Variants in TAFA2 observed in about 807,000 individuals in gnomAD.
TAFA2 encodes chemokine-like protein TAFA-2.
In TAFA2, 7 loss-of-function variants were observed where a neutral mutation model predicts 18.8. The observed-to-expected ratio is 0.37, with a 90% CI of 0.21 to 0.70. TAFA2 has a LOEUF of 0.70. Ranked by LOEUF, TAFA2 falls within the 30% of genes least tolerant of loss-of-function variation. TAFA2 has a pLI of 0.53. For synonymous variants in TAFA2, 60 were observed against 54.2 expected (o/e 1.11, Z -0.47); for missense variants, 122 against 158.1 (o/e 0.77, Z 1.23).
chr12:61,955,355 G>A (rs1240451780), intron 1 of TAFA2, among the ~76,000 whole-genome samples: 1 of 151,516 alleles, frequency 6.6e-6, no homozygotes, highest in East Asian at 2.0e-4. Context: ...TGTAATCCCA[G>A]CACTTTGGGA....
At chr12:62,117,986 C>T (rs565194694) in intron 1 of TAFA2, among the ~76,000 whole-genome samples, 1 of 152,114 alleles carries the variant, frequency 6.6e-6, no homozygotes, top group East Asian at 1.9e-4. Flanking sequence ...TCTATTTGGC[C>T]ATTTTTAATA....
At chr12:61,900,762 C>T (rs1876063740) in intron 1 of TAFA2, among the ~76,000 whole-genome samples, 1 of 152,132 alleles carries the variant, frequency 6.6e-6, no homozygotes, top group Admixed American at 6.5e-5. Context: ...ATAGCCAAAC[C>T]ATATCAAGTG....
At chr12:62,042,432 C>CGTGTGT (rs71450572) in intron 1 of TAFA2, among the ~76,000 whole-genome samples, 27 of 143,596 alleles carry the variant, frequency 1.9e-4, no homozygotes, top group East Asian at 1.8e-3. Context: ...TGTGTGTGCG[C>CGTGTGT]GTGTGTGTGT....
chr12:61,791,000 A>G (rs899444117), intron 2 of TAFA2, among the ~76,000 whole-genome samples: 1 of 151,894 alleles, frequency 6.6e-6, no homozygotes, highest in African/African-American at 2.4e-5. Flanking sequence ...TGGTACTGAC[A>G]TGAAAAGAAA....
chr12:61,827,676 G>A (rs138531921), intron 2 of TAFA2, among the ~76,000 whole-genome samples: 142 of 152,090 alleles, frequency 9.3e-4, no homozygotes, highest in African/African-American at 3.3e-3. Context: ...TTCGTGAAGA[G>A]TCACAATGCA....
chr12:62,071,078 A>G (rs1260311978), intron 1 of TAFA2, among the ~76,000 whole-genome samples: 1 of 152,234 alleles, frequency 6.6e-6, no homozygotes, highest in African/African-American at 2.4e-5. Context: ...TCTTGCAGAC[A>G]CAGTTCTGAG....
intron 1 of TAFA2, among the ~76,000 whole-genome samples, chr12:62,118,354 A>T (rs1477400320): frequency 1.3e-5 from 2 of 152,078 alleles, no homozygotes; most frequent in Non-Finnish European, 2.9e-5. Flanking sequence ...TGAATATACC[A>T]CAGTTTATTC....
Position 61,982,443 on chromosome 12 carries a change from A to AAAAAG in TAFA2, c.-1-115022_-1-115018dup, listed in dbSNP as rs1228590498. Among the ~76,000 whole-genome samples the AAAAAG allele has an allele frequency of 1.2e-4, 18 of 152,308 alleles. No individual in the cohort carries two copies. In the South Asian group the frequency reaches 1.2e-3, roughly 11 times the overall value. On this transcript the variant is annotated intron_variant, in intron 1 of 4. Coordinates refer to ENST00000416284, the MANE Select transcript of TAFA2 (RefSeq NM_178539.5). ...CCCTAGAACTTAAAGTATAATTAAA[A>AAAAAG]AAAAGAAAAGAAAAGAAATGTATCC...
intron 2 of TAFA2, among the ~76,000 whole-genome samples, chr12:61,791,509 C>T (rs1870979279): frequency 1.3e-5 from 2 of 151,658 alleles, no homozygotes; most frequent in South Asian, 4.1e-4. Flanking sequence ...ATCTAAGGCA[C>T]TCAACCCAAT....
At chr12:62,162,322 C>T (rs970363538) in intron 1 of TAFA2, among the ~76,000 whole-genome samples, 4 of 152,180 alleles carry the variant, frequency 2.6e-5, no homozygotes, top group African/African-American at 9.6e-5. Context: ...CTGATGGTAG[C>T]TCTAATTACC....
At chr12:61,978,860 G>T (rs1007544289) in intron 1 of TAFA2, among the ~76,000 whole-genome samples, 4 of 152,004 alleles carry the variant, frequency 2.6e-5, no homozygotes, top group Non-Finnish European at 5.9e-5. Flanking sequence ...TATCATGGCC[G>T]ATTCTTGCCA....
chr12:62,031,710 T>G (rs1592561015), intron 1 of TAFA2, among the ~76,000 whole-genome samples: 1 of 152,240 alleles, frequency 6.6e-6, no homozygotes, highest in Non-Finnish European at 1.5e-5. Flanking sequence ...ATTATAGTAG[T>G]CAACTACACT....
At chr12:61,940,804 G>A (rs572433680) in intron 1 of TAFA2, among the ~76,000 whole-genome samples, 1 of 152,254 alleles carries the variant, frequency 6.6e-6, no homozygotes, top group East Asian at 1.9e-4. Context: ...TAGGCAAAAG[G>A]AACAGTGAAT....
At chr12:61,864,852 C>A (rs566386487) in intron 2 of TAFA2, among the ~76,000 whole-genome samples, 22 of 150,726 alleles carry the variant, frequency 1.5e-4, no homozygotes, top group African/African-American at 5.4e-4. Flanking sequence ...CTCTTTAGTG[C>A]TGTTGAGTTT....
At chr12:61,922,681 G>C (rs1225222728) in intron 1 of TAFA2, among the ~76,000 whole-genome samples, 2 of 152,194 alleles carry the variant, frequency 1.3e-5, no homozygotes, top group Non-Finnish European at 2.9e-5. Context: ...CATTTGGGCA[G>C]ACACCTAGCT....
At position 62,192,164 on chromosome 12, in the gene TAFA2, A is replaced by C. The variant is rs2062628551; in HGVS notation, c.-907T>G. 6.6e-6 allele frequency: 1 copy of C among 151,604 alleles called. No individual in the cohort carries two copies. The highest frequency in any genetic ancestry group is 2.4e-5 in the African/African-American group (1 of 41,114). The allele number at this position is 151,604 out of a possible 1,614,324, so 9.4% of individuals were successfully genotyped here. ...TTCCACTCGAATCCACTTAGCAGCA[A>C]CTCCTGGCCAGCTTCAGCCCCTCAA... is the stretch of plus-strand genomic sequence containing the variant. On this transcript the variant is annotated 5_prime_UTR_variant, in exon 1 of 5. Transcript: ENST00000416284.
chr12:61,799,593 C>A (rs953907500), intron 2 of TAFA2, among the ~76,000 whole-genome samples: 8 of 152,102 alleles, frequency 5.3e-5, no homozygotes, highest in Admixed American at 1.3e-4. Context: ...GAGGCCGAGG[C>A]GGGCGGATCA....
At chr12:62,161,378 A>G (rs1162939740) in intron 1 of TAFA2, among the ~76,000 whole-genome samples, 1 of 152,254 alleles carries the variant, frequency 6.6e-6, no homozygotes, top group East Asian at 1.9e-4. Context: ...AGCCATAAAA[A>G]GAACAAAGTC....
intron 1 of TAFA2, among the ~76,000 whole-genome samples, chr12:61,909,134 G>GAGA (rs1321108956): frequency 6.6e-6 from 1 of 152,162 alleles, no homozygotes; most frequent in East Asian, 1.9e-4. Flanking sequence ...TGCACAGGAT[G>GAGA]AGAAGTCAGC....
Sources: allele counts gnomAD v4.1 joint callset (sites outside exome capture counted in the v4.1 genomes callset), GRCh38; gene constraint gnomAD v4.1.1; transcripts MANE v1.5; gene names NCBI Gene and HGNC (gene_info 2026-07-23, HGNC 2026-07-21).